The following ADAMTS9 variants were observed in gnomAD, a reference collection of about 807,000 sequenced individuals.
The protein encoded by ADAMTS9 is A disintegrin and metalloproteinase with thrombospondin motifs 9.
In ADAMTS9, 107 loss-of-function variants were observed where a neutral mutation model predicts 257.1. The ratio of observed to expected loss-of-function variants is 0.42; its 90% CI spans 0.36 to 0.49. The LOEUF is 0.49. Among genes scored for constraint, ADAMTS9 ranks in the 20% least tolerant of loss-of-function variants. ADAMTS9 has a pLI of 0.03. For missense variants in ADAMTS9, 2,353 were observed against 2,469.1 expected, an observed-to-expected ratio of 0.95 and a Z score of 1.00; for synonymous variants, 982 against 880.9, an observed-to-expected ratio of 1.11 and a Z score of -2.03.
At chr3:64,572,621 C>T (rs960859014) in intron 28 of ADAMTS9, among the ~76,000 whole-genome samples, 3 of 152,092 alleles carry the variant, frequency 2.0e-5, no homozygotes, top group Non-Finnish European at 2.9e-5. Context: ...CTGAGGCTGC[C>T]AAGGACCTGG....
chr3:64,633,796 C>T lies in ADAMTS9; in HGVS notation c.1940G>A (p.Arg647Gln), dbSNP rs771577187. Reference sequence around the variant, plus strand: ...AGCACACTGTTCATCTCGGAAGTCTCGCTTCTGCTTGAGACATGGCTCCGT... The same window carrying T: ...AGCACACTGTTCATCTCGGAAGTCTTGCTTCTGCTTGAGACATGGCTCCGT... The part of the protein sequence containing the change: ...CNTEPCLKQK[R>Q]DFRDEQCAHF... Residue 647 changes from arginine to glutamine, a missense_variant, in exon 13 of 40, where the codon CGA becomes CAA. By Grantham distance (43) the Arg-to-Gln change is conservative. Around this residue, in one of 3 missense-constraint regions of ADAMTS9, gnomAD observed 360 missense variants for 458.1 expected, o/e 0.79. Coordinates refer to ENST00000498707, the MANE Select transcript of ADAMTS9 (RefSeq NM_182920.2). The T allele has an allele frequency of 2.7e-5, 43 of 1,613,012 alleles. 1 individual carries two copies. In the East Asian group the frequency reaches 8.0e-4, roughly 30 times the overall value.
chr3:64,680,786 C>T (rs1701734930), intron 3 of ADAMTS9, among the ~76,000 whole-genome samples: 1 of 152,112 alleles, frequency 6.6e-6, no homozygotes, highest in Non-Finnish European at 1.5e-5. Context: ...TGTAACCCTA[C>T]ATGGTGAAAC....
chr3:64,548,679 A>ATC (rs1309909593), intron 31 of ADAMTS9, among the ~76,000 whole-genome samples: 6 of 152,166 alleles, frequency 3.9e-5, no homozygotes, highest in Non-Finnish European at 8.8e-5. Flanking sequence ...AGGCCTCCAC[A>ATC]TCTCTATAAA....
In ADAMTS9 at chr3:64,631,555, A is replaced by G. The variant is rs1044699341; in HGVS notation, c.2294-5T>C. The G allele has an allele frequency of 8.1e-6, 13 of 1,612,106 alleles. No homozygotes were observed. The highest frequency in any genetic ancestry group is 4.0e-5 in the African/African-American group (3 of 74,896). On this transcript the variant is annotated splice_polypyrimidine_tract_variant and splice_region_variant and intron_variant, in intron 15 of 39. Transcript: ENST00000498707. The stretch of plus-strand genomic sequence containing the variant: ...TTCGGACCACAGTATTGTAACCTGA[A>G]AAGAATTTAGCAGAAATTCAGTACT...
At chr3:64,593,423 C>A (rs928830135) in intron 28 of ADAMTS9, among the ~76,000 whole-genome samples, 1 of 152,194 alleles carries the variant, frequency 6.6e-6, no homozygotes, top group Admixed American at 6.5e-5. Flanking sequence ...AATGTATTTA[C>A]AGGACCATTT....
intron 37 of ADAMTS9, among the ~76,000 whole-genome samples, chr3:64,536,096 T>C (rs998961017): frequency 6.6e-6 from 1 of 152,204 alleles, no homozygotes; most frequent in South Asian, 2.1e-4. Context: ...CCAGCCGACC[T>C]GGGCGTCCAG....
chr3:64,665,989 G>A (rs144213250), intron 3 of ADAMTS9, among the ~76,000 whole-genome samples: 63 of 152,108 alleles, frequency 4.1e-4, no homozygotes, highest in African/African-American at 1.5e-3. Flanking sequence ...CCAAGTACTG[G>A]GCTAGATAAG....
In ADAMTS9 at chr3:64,686,207, C is replaced by G. The variant is rs946504611; in HGVS notation, c.516+361G>C. Among the ~76,000 whole-genome samples, 2 of 152,252 alleles carry G rather than the reference C, an allele frequency of 1.3e-5. No individual in the cohort carries two copies. Among genetic ancestry groups the G allele is most frequent in the African/African-American group, 4.8e-5 (2 of 41,468 alleles). On this transcript the variant is annotated intron_variant, in intron 2 of 39. Transcript: ENST00000498707. The surrounding 1 kb of genome is among the most constrained non-coding windows in gnomAD (Gnocchi z 4.6). ...CTGGTCCGCCCTGCGCTCAGCGGCT[C>G]CGCTCCCGGGTGGCCAAGTTTGCTG...
At chr3:64,518,506 T>C (rs944825385) in intron 39 of ADAMTS9, among the ~76,000 whole-genome samples, 7 of 152,294 alleles carry the variant, frequency 4.6e-5, no homozygotes, top group African/African-American at 1.7e-4. Context: ...TCTGGCATAA[T>C]GTACTCAGGT....
At chr3:64,674,808 C>A (rs1252058014) in intron 3 of ADAMTS9, among the ~76,000 whole-genome samples, 1 of 152,204 alleles carries the variant, frequency 6.6e-6, no homozygotes, top group Non-Finnish European at 1.5e-5. Flanking sequence ...TGCTCCCCAG[C>A]TCCGTCTCTC....
chr3:64,646,683 T>C (rs1700797318), intron 11 of ADAMTS9, among the ~76,000 whole-genome samples: 1 of 152,184 alleles, frequency 6.6e-6, no homozygotes, highest in South Asian at 2.1e-4. Context: ...TATTTTCGCA[T>C]TGGACTTTAT....
chr3:64,538,765 T>C (rs1420254756), intron 37 of ADAMTS9, among the ~76,000 whole-genome samples: 7 of 152,164 alleles, frequency 4.6e-5, no homozygotes, highest in Non-Finnish European at 1.0e-4. Context: ...TGTTGACGGC[T>C]TGAAATCAAT....
intron 28 of ADAMTS9, chr3:64,589,464 G>A (rs553174911): frequency 3.9e-5 from 6 of 152,080 alleles, no homozygotes; most frequent in African/African-American, 9.7e-5. Flanking sequence ...GTAGATTATC[G>A]GCTAGTCAAA....
intron 3 of ADAMTS9, among the ~76,000 whole-genome samples, chr3:64,666,419 C>A (rs1701355131): frequency 6.6e-6 from 1 of 152,184 alleles, no homozygotes; most frequent in South Asian, 2.1e-4. Flanking sequence ...TCACAGAGCA[C>A]AGGACCAAAG....
At chr3:64,632,054 G>T in intron 14 of ADAMTS9, 129 bp from the exon 15 acceptor site, 1 of 708,314 alleles carries the variant, frequency 1.4e-6, no homozygotes, top group Non-Finnish European at 2.4e-6. Flanking sequence ...ACTTGGAAAG[G>T]TTGAAAACTG....
At chr3:64,664,128 A>G (rs1701287840) in intron 3 of ADAMTS9, among the ~76,000 whole-genome samples, 1 of 152,138 alleles carries the variant, frequency 6.6e-6, no homozygotes, top group Non-Finnish European at 1.5e-5. Context: ...AGGAATTTGC[A>G]AAGTCACTTT....
chr3:64,536,119 C>T (rs1322200710), intron 37 of ADAMTS9, among the ~76,000 whole-genome samples: 2 of 152,194 alleles, frequency 1.3e-5, no homozygotes, highest in East Asian at 3.9e-4. Flanking sequence ...TCTGAACATG[C>T]TCAATATATA....
At chr3:64,518,663 A>G (rs1310303381) in intron 39 of ADAMTS9, among the ~76,000 whole-genome samples, 1 of 151,772 alleles carries the variant, frequency 6.6e-6, no homozygotes, top group African/African-American at 2.4e-5. Context: ...CTTGGACCAC[A>G]CCATGAGTAA....
chr3:64,568,664 G>T, intron 28 of ADAMTS9, 129 bp from the exon 29 acceptor site: 1 of 1,098,082 alleles, frequency 9.1e-7, no homozygotes, highest in South Asian at 1.4e-5. Context: ...TACAGCGCCA[G>T]TTTGGATAAT....
Sources: gnomAD v4.1 joint callset for allele counts (sites outside exome capture counted in the v4.1 genomes callset) on GRCh38, gnomAD v4.1.1 for gene constraint, gnomAD v4.1.1 regional missense constraint, Gnocchi (gnomAD v3.1) non-coding constraint, MANE v1.5 for transcripts, NCBI Gene and HGNC (gene_info 2026-07-23, HGNC 2026-07-21) for gene names.